The following MEIS2 variants were observed in gnomAD, a reference collection of about 807,000 sequenced individuals.
MEIS2 encodes the protein homeobox protein Meis2.
MEIS2 carries 9 observed loss-of-function variants against 58.6 expected under a neutral mutation model. The ratio of observed to expected loss-of-function variants is 0.15; its 90% confidence interval spans 0.09 to 0.27. The LOEUF (loss-of-function observed/expected upper bound fraction) is 0.27. MEIS2 is among the 10% of genes least tolerant of loss of function. The probability of loss-of-function intolerance (pLI) is 1.00; values close to 1 mark genes in which losing one functional copy is unlikely to be tolerated. For missense variants in MEIS2, 427 were observed against 635.0 expected (o/e 0.67, Z 3.52); for synonymous variants, 221 against 228.4 (o/e 0.97, Z 0.29).
intron 8 of MEIS2, among the ~76,000 whole-genome samples, chr15:36,980,406 G>A (rs1032116092): frequency 3.3e-5 from 5 of 152,166 alleles, no homozygotes; most frequent in African/African-American, 1.2e-4. Context: ...CCACATGGCT[G>A]GGGAGGCCTC....
chr15:36,934,554 C>T (rs183601718), intron 9 of MEIS2, among the ~76,000 whole-genome samples: 30 of 152,320 alleles, frequency 2.0e-4, no homozygotes, highest in African/African-American at 5.8e-4. Flanking sequence ...TACCGTTCAA[C>T]GGGCACCTTT....
rs574386772 is a variant in MEIS2 at position 37,011,607 on chromosome 15, GTTTTTTTTTTTTTTTT to G, written c.900+25191_900+25206del. On this transcript the variant is annotated intron_variant, in intron 8 of 11. Transcript: ENST00000561208. ...GTTTACAGACCAGCATCTATCAGTGGTTTTTTTTTTTTTTTTTTTTTTTTTTTTTTGAGATGGAGTC... is the reference window on the plus strand; with the variant it reads ...GTTTACAGACCAGCATCTATCAGTGGTTTTTTTTTTTTTTGAGATGGAGTC... Among the ~76,000 whole-genome samples the G allele has an allele frequency of 1.8e-4, 12 of 66,762 alleles. No homozygotes were observed. In the South Asian group the frequency reaches 9.0e-3, roughly 50 times the overall value. 43.8% of individuals were successfully genotyped at this position (66,762 alleles called of 152,430 possible).
chr15:36,983,204 T>G (rs1350355717), intron 8 of MEIS2, among the ~76,000 whole-genome samples: 1 of 152,104 alleles, frequency 6.6e-6, no homozygotes, highest in East Asian at 1.9e-4. Flanking sequence ...TGGAGTCATA[T>G]CCAAAAAAAT....
rs1317130624 is a variant in MEIS2, at chr15:36,889,756, A to C, written c.*2417T>G. On this transcript the variant is annotated 3_prime_UTR_variant, in exon 12 of 12. Transcript: ENST00000561208. Reference sequence around the variant, plus strand: ...ATGTGAGAGTTGATTTATAATGGGGAATTTTCATAGTTTACATAAAAGTAT... The same window carrying C: ...ATGTGAGAGTTGATTTATAATGGGGCATTTTCATAGTTTACATAAAAGTAT... 1 of 152,200 alleles carries C rather than the reference A, an allele frequency of 6.6e-6. No homozygotes were observed. The highest frequency in any genetic ancestry group is 2.4e-5 in the African/African-American group (1 of 41,444). 9.4% of individuals were successfully genotyped at this position (152,200 alleles called of 1,614,324 possible).
At chr15:36,995,864 G>C (rs1186111887) in intron 8 of MEIS2, among the ~76,000 whole-genome samples, 1 of 146,328 alleles carries the variant, frequency 6.8e-6, no homozygotes, top group Non-Finnish European at 1.5e-5. Flanking sequence ...TTTCTTGTTC[G>C]ACTTGAATCT....
intron 9 of MEIS2, 109 bp downstream of exon 9, chr15:36,950,215 T>A (rs1309337269): frequency 5.2e-6 from 5 of 967,960 alleles, no homozygotes; most frequent in African/African-American, 1.7e-5. Flanking sequence ...ACAGAAGTTA[T>A]CCTCCTCGAT....
chr15:36,938,057 T>C (rs1238643857), intron 9 of MEIS2, among the ~76,000 whole-genome samples: 1 of 152,176 alleles, frequency 6.6e-6, no homozygotes, highest in African/African-American at 2.4e-5. Context: ...GTTTGAAATT[T>C]GGTTCTATAT....
intron 8 of MEIS2, among the ~76,000 whole-genome samples, chr15:37,009,581 T>C (rs764008709): frequency 1.1e-4 from 16 of 152,218 alleles, no homozygotes; most frequent in Non-Finnish European, 1.8e-4. Context: ...TGAAAGTGTT[T>C]TAAAATATAT....
At chr15:37,036,698 G>C in intron 8 of MEIS2, 116 bp downstream of exon 8, 1 of 1,199,230 alleles carries the variant, frequency 8.3e-7, no homozygotes, top group Non-Finnish European at 1.1e-6. Context: ...TTAGTCATCA[G>C]ATTTCAAGAA....
intron 8 of MEIS2, among the ~76,000 whole-genome samples, chr15:36,952,597 G>GTCTGTCTCTC (rs1555432899): frequency 1.9e-5 from 2 of 107,304 alleles, no homozygotes; most frequent in African/African-American, 6.2e-5. Context: ...CTGTCTGTCT[G>GTCTGTCTCTC]TCTCTCTCTC....
At chr15:36,973,584 G>A (rs936613613) in intron 8 of MEIS2, among the ~76,000 whole-genome samples, 9 of 152,054 alleles carry the variant, frequency 5.9e-5, no homozygotes, top group Admixed American at 3.9e-4. Context: ...AACCCAAAGC[G>A]TTCATCTATT....
chr15:37,021,675 CTT>C lies in MEIS2; in HGVS notation c.900+15137_900+15138del, dbSNP rs1484713065. Among the ~76,000 whole-genome samples the C allele has an allele frequency of 3.3e-5, 5 of 152,272 alleles. No homozygotes were observed. The East Asian group carries it at 9.7e-4, about 29-fold the overall frequency. ...CCAGTGTTCCCAGTGTGTTACCACA[CTT>C]TATTTCTCCCCCTTAGCCAACATGG... On this transcript the variant is annotated intron_variant, in intron 8 of 11. Transcript: ENST00000561208.
At chr15:36,915,072 G>A (rs551314515) in intron 9 of MEIS2, among the ~76,000 whole-genome samples, 1 of 152,194 alleles carries the variant, frequency 6.6e-6, no homozygotes, top group South Asian at 2.1e-4. Context: ...CTCAGCAACA[G>A]GCCTTCAGCT....
intron 8 of MEIS2, among the ~76,000 whole-genome samples, chr15:36,996,003 G>A (rs12440053): frequency 2.6e-3 from 101 of 39,582 alleles, no homozygotes; most frequent in South Asian, 6.8e-3. Flanking sequence ...ATATATATAT[G>A]TATATATATA....
chr15:37,033,827 A>G (rs971393241), intron 8 of MEIS2, among the ~76,000 whole-genome samples: 4 of 152,200 alleles, frequency 2.6e-5, no homozygotes, highest in African/African-American at 9.6e-5. Flanking sequence ...ACAGCTGAGT[A>G]AATCTTTCAG....
intron 8 of MEIS2, among the ~76,000 whole-genome samples, chr15:36,978,430 G>T (rs138110131): frequency 1.3e-5 from 2 of 152,154 alleles, no homozygotes; most frequent in Non-Finnish European, 1.5e-5. Context: ...TGCTCTTATC[G>T]CTGTACCACA....
At chr15:36,901,705 A>G (rs2056483349) in intron 9 of MEIS2, among the ~76,000 whole-genome samples, 1 of 152,232 alleles carries the variant, frequency 6.6e-6, no homozygotes, top group African/African-American at 2.4e-5. Context: ...CATGATGTTA[A>G]TCTGGAATCA....
intron 8 of MEIS2, among the ~76,000 whole-genome samples, chr15:37,013,634 A>G (rs1188368338): frequency 2.0e-5 from 3 of 148,766 alleles, no homozygotes; most frequent in African/African-American, 7.3e-5. Flanking sequence ...TATAATACAT[A>G]TATATATTCT....
intron 7 of MEIS2, among the ~76,000 whole-genome samples, chr15:37,043,743 A>C (rs1595996851): frequency 7.4e-6 from 1 of 135,662 alleles, no homozygotes; most frequent in African/African-American, 2.9e-5. Context: ...GCTGGAGTGC[A>C]GTGGCGCAAC....
Sources: allele counts gnomAD v4.1 joint callset (sites outside exome capture counted in the v4.1 genomes callset), GRCh38; gene constraint gnomAD v4.1.1; transcripts MANE v1.5; gene names NCBI Gene and HGNC (gene_info 2026-07-23, HGNC 2026-07-21).